NRXN1: variants seen among roughly 807,000 people sequenced by gnomAD.
NRXN1 encodes the protein neurexin 1, also known as neurexin-1.
NRXN1 carries 39 observed loss-of-function variants against 150.9 expected under a neutral mutation model. That is an observed-to-expected ratio of 0.26 (90% CI 0.20 to 0.34). NRXN1 has a LOEUF of 0.34. Ranked by LOEUF, NRXN1 falls within the 10% of genes least tolerant of loss-of-function variation. The probability of loss-of-function intolerance (pLI) is 1.00; values close to 1 mark genes in which losing one functional copy is unlikely to be tolerated. For missense variants in NRXN1, 1,815 were observed against 1,949.9 expected (o/e 0.93, Z 1.30); for synonymous variants, 924 against 757.0 (o/e 1.22, Z -3.62).
chr2:50,904,389 T>C (rs1214924185), intron 5 of NRXN1, among the ~76,000 whole-genome samples: 2 of 152,172 alleles, frequency 1.3e-5, no homozygotes, highest in Non-Finnish European at 2.9e-5. Context: ...AAGTATTAAA[T>C]AGTCCATACG....
At chr2:50,454,369 T>C (rs1444986993) in intron 17 of NRXN1, among the ~76,000 whole-genome samples, 2 of 151,924 alleles carry the variant, frequency 1.3e-5, no homozygotes, top group Non-Finnish European at 2.9e-5. Context: ...TATGATAATA[T>C]ACAAATCAGG....
intron 18 of NRXN1, among the ~76,000 whole-genome samples, chr2:50,198,083 T>C (rs900779581): frequency 1.3e-5 from 2 of 152,270 alleles, no homozygotes; most frequent in South Asian, 2.1e-4. Context: ...TGCATCTTTA[T>C]GAACATAATC....
At chr2:50,257,679 T>C (rs971242039) in intron 17 of NRXN1, among the ~76,000 whole-genome samples, 9 of 151,974 alleles carry the variant, frequency 5.9e-5, no homozygotes, top group Non-Finnish European at 1.2e-4. Context: ...GACTAATTAA[T>C]GGGAAGTTGG....
intron 2 of NRXN1, among the ~76,000 whole-genome samples, chr2:51,021,107 CA>C (rs983678909): frequency 1.1e-4 from 16 of 151,532 alleles, no homozygotes; most frequent in Non-Finnish European, 2.1e-4. Context: ...AAGTACACAA[CA>C]AAAAAAGTAT....
intron 5 of NRXN1, among the ~76,000 whole-genome samples, chr2:50,715,533 G>T (rs534295922): frequency 6.6e-6 from 1 of 152,124 alleles, no homozygotes; most frequent in African/African-American, 2.4e-5. Flanking sequence ...TAAATATGCC[G>T]TCTATTTCTG....
intron 5 of NRXN1, among the ~76,000 whole-genome samples, chr2:50,859,973 T>C (rs1426345896): frequency 6.6e-6 from 1 of 152,062 alleles, no homozygotes; most frequent in Non-Finnish European, 1.5e-5. Flanking sequence ...TACATATTTA[T>C]GGATAAATAC....
intron 21 of NRXN1, among the ~76,000 whole-genome samples, chr2:50,011,232 G>A (rs1243666500): frequency 6.6e-6 from 1 of 152,130 alleles, no homozygotes; most frequent in African/African-American, 2.4e-5. Context: ...AGCATAGAAA[G>A]TCCTCATTAA....
At chr2:50,039,772 A>G (rs2152575782) in intron 21 of NRXN1, among the ~76,000 whole-genome samples, 1 of 152,324 alleles carries the variant, frequency 6.6e-6, no homozygotes, top group East Asian at 1.9e-4. Context: ...GAGATTCAAT[A>G]CAAGAAAAAA....
chr2:50,414,416 C>A (rs893633235), intron 17 of NRXN1, among the ~76,000 whole-genome samples: 9 of 151,572 alleles, frequency 5.9e-5, no homozygotes, highest in Admixed American at 3.3e-4. Flanking sequence ...AAATATACCC[C>A]ATAAATATAC....
chr2:50,557,193 T>C (rs183844330), intron 8 of NRXN1, among the ~76,000 whole-genome samples: 6 of 152,176 alleles, frequency 3.9e-5, no homozygotes, highest in Admixed American at 3.3e-4. Context: ...AGCGGGAGTA[T>C]GTGAAATTCA....
intron 5 of NRXN1, among the ~76,000 whole-genome samples, chr2:50,752,841 T>C (rs1004050777): frequency 4.6e-5 from 7 of 151,982 alleles, no homozygotes; most frequent in Non-Finnish European, 7.4e-5. Context: ...GATAATTTGG[T>C]GATTTCCCGT....
At chr2:50,569,765 G>A (rs1670386169) in intron 8 of NRXN1, among the ~76,000 whole-genome samples, 1 of 152,082 alleles carries the variant, frequency 6.6e-6, no homozygotes, top group Non-Finnish European at 1.5e-5. Context: ...TCAGACCCCT[G>A]GCCCTGTCAT....
chr2:50,345,099 G>C (rs2077849408), intron 17 of NRXN1, among the ~76,000 whole-genome samples: 1 of 152,168 alleles, frequency 6.6e-6, no homozygotes, highest in African/African-American at 2.4e-5. Context: ...TCTAATCTCT[G>C]TTACTTATAA....
intron 21 of NRXN1, among the ~76,000 whole-genome samples, chr2:50,034,028 T>G (rs541895986): frequency 1.9e-4 from 29 of 150,802 alleles, no homozygotes; most frequent in African/African-American, 5.6e-4. Context: ...AAGAGAATGC[T>G]TATACACTGT....
At chr2:49,977,545 G>A (rs1045224140) in intron 21 of NRXN1, among the ~76,000 whole-genome samples, 4 of 152,112 alleles carry the variant, frequency 2.6e-5, no homozygotes, top group African/African-American at 9.7e-5. Context: ...ATATTGTAAC[G>A]TGACAAGATT....
At chr2:50,252,258 CTT>C (rs143522284) in intron 17 of NRXN1, among the ~76,000 whole-genome samples, 38 of 69,718 alleles carry the variant, frequency 5.5e-4, no homozygotes, top group African/African-American at 1.8e-3. Context: ...TTTTTCTTTT[CTT>C]TTTTTTTTTT....
At chr2:50,350,573 G>C (rs537136780) in intron 17 of NRXN1, among the ~76,000 whole-genome samples, 87 of 152,264 alleles carry the variant, frequency 5.7e-4, no homozygotes, top group East Asian at 2.1e-3. Flanking sequence ...AAATAACAAG[G>C]ATCAACTGTA....
At chr2:50,904,274 A>T (rs559668689) in intron 5 of NRXN1, among the ~76,000 whole-genome samples, 1 of 152,318 alleles carries the variant, frequency 6.6e-6, no homozygotes, top group South Asian at 2.1e-4. Flanking sequence ...ATAATTTTAA[A>T]AAATGACATA....
intron 18 of NRXN1, among the ~76,000 whole-genome samples, chr2:50,221,447 C>A (rs538954756): frequency 6.6e-6 from 1 of 151,978 alleles, no homozygotes; most frequent in African/African-American, 2.4e-5. Context: ...TACAGCTACA[C>A]ATTTTAATTT....
Sources: allele counts gnomAD v4.1 joint callset (sites outside exome capture counted in the v4.1 genomes callset), GRCh38; gene constraint gnomAD v4.1.1; transcripts MANE v1.5; gene names NCBI Gene and HGNC (gene_info 2026-07-23, HGNC 2026-07-21).